MBTD1: variants seen among roughly 807,000 people sequenced by gnomAD.
MBTD1 encodes the protein mbt domain containing 1.
In MBTD1, 24 loss-of-function variants were observed where a neutral mutation model predicts 87.8. That is an observed-to-expected ratio of 0.27 (90% CI 0.20 to 0.38). The LOEUF is 0.38. MBTD1 is among the 10% of genes least tolerant of loss of function. MBTD1 has a pLI of 1.00. For synonymous variants in MBTD1, 237 were observed against 248.6 expected, an observed-to-expected ratio of 0.95 and a Z score of 0.44; for missense variants, 436 against 760.2, an observed-to-expected ratio of 0.57 and a Z score of 5.02.
chr17:51,190,750 A>AAAAAAAAAAAAAAAAAAT (rs1555677185), intron 16 of MBTD1, among the ~76,000 whole-genome samples: 1 of 39,718 alleles, frequency 2.5e-5, no homozygotes, highest in African/African-American at 1.5e-4. Flanking sequence ...AAAAAAAAAA[A>AAAAAAAAAAAAAAAAAAT]ATATATATAT....
intron 2 of MBTD1, among the ~76,000 whole-genome samples, chr17:51,228,151 A>G (rs1270554999): frequency 3.3e-5 from 5 of 152,266 alleles, no homozygotes; most frequent in Middle Eastern, 3.4e-3. Context: ...GTTCTCACTT[A>G]TAAGTGGGAG....
chr17:51,204,858 T>C (rs1036172972), intron 7 of MBTD1, among the ~76,000 whole-genome samples: 6 of 152,188 alleles, frequency 3.9e-5, no homozygotes, highest in Non-Finnish European at 7.4e-5. Flanking sequence ...CAATTACTCC[T>C]GGGTAATTTG....
chr17:51,236,135 G>A (rs900723497), intron 2 of MBTD1, among the ~76,000 whole-genome samples: 8 of 151,684 alleles, frequency 5.3e-5, no homozygotes, highest in Non-Finnish European at 1.0e-4. Context: ...TATCTATATA[G>A]ATATCTACAG....
chr17:51,228,391 A>T (rs910077291), intron 2 of MBTD1, among the ~76,000 whole-genome samples: 1 of 152,124 alleles, frequency 6.6e-6, no homozygotes, highest in Non-Finnish European at 1.5e-5. Flanking sequence ...AGAAGTATTA[A>T]AAAAATTTCC....
chr17:51,232,389 C>G (rs2053595911), intron 2 of MBTD1, among the ~76,000 whole-genome samples: 1 of 152,112 alleles, frequency 6.6e-6, no homozygotes, highest in Admixed American at 6.5e-5. Flanking sequence ...GAGCAAGCAT[C>G]AGCAGAAACT....
At chr17:51,209,850 A>G (rs2052068366) in intron 6 of MBTD1, among the ~76,000 whole-genome samples, 1 of 152,262 alleles carries the variant, frequency 6.6e-6, no homozygotes, top group African/African-American at 2.4e-5. Context: ...GGCAAAGTAC[A>G]TCTAGCAGAG....
At chr17:51,181,021 C>CTTTT (rs57226972) in intron 16 of MBTD1, among the ~76,000 whole-genome samples, 2 of 122,754 alleles carry the variant, frequency 1.6e-5, no homozygotes, top group Non-Finnish European at 1.7e-5. Context: ...GAAGTACAAT[C>CTTTT]TTTTTTTTTT....
At chr17:51,259,322 A>C in intron 1 of MBTD1, 116 bp from the exon 2 acceptor site, 1 of 1,162,470 alleles carries the variant, frequency 8.6e-7, no homozygotes, top group Non-Finnish European at 1.1e-6. Flanking sequence ...CACCACTCCC[A>C]CCTCTCCCGC....
At chr17:51,197,519 T>C (rs1019370017) in intron 12 of MBTD1, among the ~76,000 whole-genome samples, 1 of 151,446 alleles carries the variant, frequency 6.6e-6, no homozygotes, top group African/African-American at 2.4e-5. Flanking sequence ...ATTTTTCTTT[T>C]CTTTTTTTTT....
intron 1 of MBTD1, 89 bp downstream of exon 1, chr17:51,259,746 G>T: frequency 8.5e-7 from 1 of 1,172,494 alleles, no homozygotes; most frequent in Non-Finnish European, 1.1e-6. Context: ...AGGGAGCGGG[G>T]TCAGGGAGCT....
At chr17:51,205,818 A>G (rs1211464283) in intron 7 of MBTD1, among the ~76,000 whole-genome samples, 1 of 152,226 alleles carries the variant, frequency 6.6e-6, no homozygotes, top group African/African-American at 2.4e-5. Context: ...TAAAATTAAA[A>G]TAATTTTTAG....
chr17:51,246,333 A>T (rs1291400683), intron 2 of MBTD1, among the ~76,000 whole-genome samples: 1 of 152,156 alleles, frequency 6.6e-6, no homozygotes, highest in Non-Finnish European at 1.5e-5. Context: ...TCACTATCTC[A>T]GTTGCCTATG....
intron 2 of MBTD1, among the ~76,000 whole-genome samples, chr17:51,243,147 C>T (rs1324909767): frequency 1.3e-5 from 2 of 152,124 alleles, no homozygotes; most frequent in African/African-American, 2.4e-5. Context: ...TTGCCAAATT[C>T]CACTCCAAAG....
chr17:51,260,558 C>T (rs201169817), upstream of MBTD1: 19 of 1,597,292 alleles, frequency 1.2e-5, no homozygotes, highest in South Asian at 1.1e-4. Context: ...TCCACGTGAG[C>T]GCCTGCGTTT....
chr17:51,260,614 A>G (rs2055423150), upstream of MBTD1: 2 of 1,612,620 alleles, frequency 1.2e-6, no homozygotes, highest in Non-Finnish European at 1.7e-6. Flanking sequence ...GACGAATGAA[A>G]CTGGACCGGA....
intron 6 of MBTD1, among the ~76,000 whole-genome samples, chr17:51,212,813 G>A (rs576194130): frequency 3.9e-5 from 6 of 152,130 alleles, no homozygotes; most frequent in Non-Finnish European, 8.8e-5. Flanking sequence ...CTAGAGTGCA[G>A]TGGCGCAATC....
At chr17:51,252,943 TAG>T (rs986550534) in intron 2 of MBTD1, among the ~76,000 whole-genome samples, 1 of 151,708 alleles carries the variant, frequency 6.6e-6, no homozygotes, top group Non-Finnish European at 1.5e-5. Flanking sequence ...GCTTTAGAAT[TAG>T]AGAGATAGAT....
intron 12 of MBTD1, among the ~76,000 whole-genome samples, chr17:51,200,247 T>C (rs902762926): frequency 6.6e-6 from 1 of 152,128 alleles, no homozygotes; most frequent in Non-Finnish European, 1.5e-5. Context: ...CTGTACATGA[T>C]ATTCACCTGA....
intron 16 of MBTD1, among the ~76,000 whole-genome samples, chr17:51,188,743 A>G (rs973581839): frequency 2.0e-5 from 3 of 147,694 alleles, no homozygotes; most frequent in African/African-American, 7.6e-5. Context: ...CAATTCCAAC[A>G]TTCAAATAGG....
Sources: allele counts gnomAD v4.1 joint callset (sites outside exome capture counted in the v4.1 genomes callset), GRCh38; gene constraint gnomAD v4.1.1; transcripts MANE v1.5; gene names NCBI Gene and HGNC (gene_info 2026-07-23, HGNC 2026-07-21).